Variants in ZNF385D observed in about 807,000 individuals in gnomAD.
ZNF385D encodes zinc finger protein 659.
Under a neutral mutation model 35.8 loss-of-function variants are expected in ZNF385D, and 15 were observed. The ratio of observed to expected loss-of-function variants is 0.42; its 90% confidence interval spans 0.28 to 0.64. ZNF385D has a LOEUF of 0.64. Ranked by LOEUF, ZNF385D falls within the 30% of genes least tolerant of loss-of-function variation. The probability of loss-of-function intolerance (pLI) is 0.23; values close to 1 mark genes in which losing one functional copy is unlikely to be tolerated. For synonymous variants in ZNF385D, 212 were observed against 186.8 expected (o/e 1.13, Z -1.10); for missense variants, 474 against 494.6 (o/e 0.96, Z 0.39).
chr3:22,285,810 G>T (rs746957828), intron 2 of ZNF385D, among the ~76,000 whole-genome samples: 6 of 152,028 alleles, frequency 3.9e-5, no homozygotes, highest in Non-Finnish European at 8.8e-5. Context: ...ATGGGAATTT[G>T]TTCCCACTCA....
intron 3 of ZNF385D, among the ~76,000 whole-genome samples, chr3:21,761,735 G>T (rs1430769762): frequency 1.4e-5 from 2 of 142,510 alleles, no homozygotes; most frequent in Non-Finnish European, 3.0e-5. Context: ...AGAGAATGCA[G>T]ATCCAATTTT....
rs116579394 is a variant in ZNF385D at position 21,784,742 on chromosome 3, C to A, written c.326-119714G>T. Among the ~76,000 whole-genome samples the A allele has an allele frequency of 2.2e-3, 330 of 151,484 alleles. 2 individuals carry two copies. Among genetic ancestry groups the A allele is most frequent in the African/African-American group, 7.7e-3 (317 of 41,330 alleles). On this transcript the variant is annotated intron_variant, in intron 3 of 5. Coordinates refer to the ZNF385D transcript ENST00000494108. The stretch of plus-strand genomic sequence containing the variant: ...ATATTTTAAAAAGTCATAATTAATG[C>A]AAAAAAGAACCTATAACAAAGAAAA...
intron 4 of ZNF385D, among the ~76,000 whole-genome samples, chr3:21,456,318 A>G (rs529211849): frequency 6.7e-4 from 102 of 152,312 alleles, no homozygotes; most frequent in African/African-American, 2.3e-3. Flanking sequence ...TCACAATAGC[A>G]AAGACTTGGA....
At chr3:21,883,484 A>C (rs1003237860) in intron 3 of ZNF385D, among the ~76,000 whole-genome samples, 1 of 151,992 alleles carries the variant, frequency 6.6e-6, no homozygotes, top group Non-Finnish European at 1.5e-5. Context: ...TTTATGATAT[A>C]TATTCTGATA....
chr3:21,841,077 T>C lies in ZNF385D; in HGVS notation c.326-176049A>G, dbSNP rs141633938. 4.4e-4 allele frequency among the ~76,000 whole-genome samples: 67 copies of C among 152,100 alleles called. 1 individual carries two copies. The South Asian group carries it at 6.7e-3, about 15-fold the overall frequency. ...GGTAAGAGACTGTTAGCAAGTTTCA[T>C]GAGAAAAGAATCGTCAAAGGCAATG... On this transcript the variant is annotated intron_variant, in intron 3 of 5. Transcript: ENST00000494108.
chr3:21,757,579 C>G (rs1489964387), intron 3 of ZNF385D, among the ~76,000 whole-genome samples: 3 of 151,652 alleles, frequency 2.0e-5, no homozygotes, highest in African/African-American at 7.3e-5. Context: ...TTTATTGACT[C>G]AAAAAAAATA....
At chr3:21,833,450 G>A (rs1695131128) in intron 3 of ZNF385D, among the ~76,000 whole-genome samples, 1 of 152,158 alleles carries the variant, frequency 6.6e-6, no homozygotes, top group South Asian at 2.1e-4. Context: ...CGCACGTGGA[G>A]AGGATTGTGG....
intron 3 of ZNF385D, among the ~76,000 whole-genome samples, chr3:22,120,441 C>A (rs1703032888): frequency 6.6e-6 from 1 of 152,172 alleles, no homozygotes; most frequent in South Asian, 2.1e-4. Flanking sequence ...CTCGTATAAG[C>A]TTAATTACTT....
At chr3:22,082,759 C>G (rs1301813321) in intron 3 of ZNF385D, among the ~76,000 whole-genome samples, 2 of 152,184 alleles carry the variant, frequency 1.3e-5, no homozygotes, top group African/African-American at 4.8e-5. Context: ...ACAAGTGGGT[C>G]CCTAACCCCC....
intron 2 of ZNF385D, among the ~76,000 whole-genome samples, chr3:22,184,713 G>C (rs1695511902): frequency 6.6e-6 from 1 of 152,144 alleles, no homozygotes; most frequent in Non-Finnish European, 1.5e-5. Context: ...TATAATCCCA[G>C]CTACTCAGGA....
chr3:21,939,518 G>C (rs934773481), intron 3 of ZNF385D, among the ~76,000 whole-genome samples: 2 of 152,040 alleles, frequency 1.3e-5, no homozygotes, highest in African/African-American at 4.8e-5. Context: ...TAAATTATAA[G>C]TTGCATTGTA....
intron 1 of ZNF385D, among the ~76,000 whole-genome samples, chr3:21,706,356 G>A (rs192510436): frequency 5.2e-4 from 79 of 151,704 alleles, no homozygotes; most frequent in African/African-American, 1.1e-3. Context: ...GACAGCTCAC[G>A]TGACATTTTT....
At chr3:21,828,043 C>T (rs1361973413) in intron 3 of ZNF385D, among the ~76,000 whole-genome samples, 1 of 152,160 alleles carries the variant, frequency 6.6e-6, no homozygotes, top group African/African-American at 2.4e-5. Context: ...TATGGTTTTC[C>T]TCCCTGCCCT....
intron 3 of ZNF385D, among the ~76,000 whole-genome samples, chr3:21,518,359 T>A (rs770059840): frequency 1.3e-5 from 2 of 152,146 alleles, no homozygotes; most frequent in Non-Finnish European, 2.9e-5. Flanking sequence ...TATGAGTGCT[T>A]TCCAAGTCCT....
At chr3:22,212,735 A>G (rs1459041347) in intron 2 of ZNF385D, among the ~76,000 whole-genome samples, 5 of 152,060 alleles carry the variant, frequency 3.3e-5, no homozygotes, top group Non-Finnish European at 7.4e-5. Context: ...TTTTTAAAAA[A>G]TAATTATAAA....
At chr3:21,548,426 TTA>T (rs1260032982) in intron 3 of ZNF385D, among the ~76,000 whole-genome samples, 3 of 152,228 alleles carry the variant, frequency 2.0e-5, no homozygotes, top group Non-Finnish European at 4.4e-5. Flanking sequence ...TGGAAAACTT[TTA>T]GTTTGTTTAA....
intron 2 of ZNF385D, among the ~76,000 whole-genome samples, chr3:22,188,898 G>A (rs1695830075): frequency 6.6e-6 from 1 of 151,958 alleles, no homozygotes; most frequent in African/African-American, 2.4e-5. Context: ...TGGTTACAAA[G>A]ACAAGTAAAT....
chr3:21,922,382 C>T (rs1479386686), intron 3 of ZNF385D, among the ~76,000 whole-genome samples: 1 of 152,102 alleles, frequency 6.6e-6, no homozygotes, highest in African/African-American at 2.4e-5. Context: ...TGCCCAAATT[C>T]AAACTATACT....
At chr3:21,555,370 C>T (rs916590928) in intron 3 of ZNF385D, among the ~76,000 whole-genome samples, 4 of 152,048 alleles carry the variant, frequency 2.6e-5, no homozygotes, top group African/African-American at 9.7e-5. Context: ...TCCCCTAGCC[C>T]CCTGACCCTT....
Sources: allele counts gnomAD v4.1 joint callset (sites outside exome capture counted in the v4.1 genomes callset), GRCh38; gene constraint gnomAD v4.1.1; transcripts MANE v1.5; gene names NCBI Gene and HGNC (gene_info 2026-07-23, HGNC 2026-07-21).